INPP5K: variants seen among roughly 807,000 people sequenced by gnomAD.
INPP5K encodes inositol polyphosphate 5-phosphatase K.
Under a neutral mutation model 53.5 loss-of-function variants are expected in INPP5K, and 35 were observed. That is an observed-to-expected ratio of 0.65 (90% CI 0.50 to 0.87). The LOEUF (loss-of-function observed/expected upper bound fraction) is 0.87. Ranked by LOEUF, INPP5K falls within the 40% of genes least tolerant of loss-of-function variation. INPP5K has a pLI of 0.00. For missense variants in INPP5K, 550 were observed against 586.2 expected (o/e 0.94, Z 0.64); for synonymous variants, 253 against 232.8 (o/e 1.09, Z -0.79).
chr17:1,497,205 G>A (rs2074876877), intron 8 of INPP5K, among the ~76,000 whole-genome samples: 1 of 152,238 alleles, frequency 6.6e-6, no homozygotes, highest in Non-Finnish European at 1.5e-5. Flanking sequence ...ACCAGCGGGG[G>A]CCAGGCACGG....
intron 4 of INPP5K, 146 bp from the exon 5 acceptor site, chr17:1,509,499 A>G: frequency 1.1e-6 from 1 of 942,544 alleles, no homozygotes; most frequent in African/African-American, 1.6e-5. Flanking sequence ...TGATCTCTCC[A>G]TGCACAGAGC....
chr17:1,512,920 G>T (rs2062207710), intron 3 of INPP5K, among the ~76,000 whole-genome samples: 1 of 152,168 alleles, frequency 6.6e-6, no homozygotes, highest in South Asian at 2.1e-4. Flanking sequence ...TAAGAACTTG[G>T]GTTATGAAGT....
At chr17:1,514,359 G>T (rs2075383657) in intron 1 of INPP5K, among the ~76,000 whole-genome samples, 1 of 151,772 alleles carries the variant, frequency 6.6e-6, no homozygotes, top group South Asian at 2.1e-4. Context: ...CGGGGTCTAG[G>T]CCTGCTTATG....
In INPP5K at chr17:1,498,030, G is replaced by A. The variant is rs752588732; in HGVS notation, c.869C>T (p.Ala290Val). 1.3e-5 allele frequency: 21 copies of A among 1,613,978 alleles called. No individual in the cohort carries two copies. Among genetic ancestry groups the A allele is most frequent in the South Asian group, 2.2e-5 (2 of 91,084 alleles). The change falls in exon 8 of 12, where the codon GCG becomes GTG. Residue 290 changes from alanine to valine, a missense_variant. Coordinates refer to ENST00000421807, the MANE Select transcript of INPP5K (RefSeq NM_016532.4). ...CAGPDTPIPP[A>V]SHFSLSLRGY... The stretch of plus-strand genomic sequence containing the variant: ...CCTCAGAGACAAGGAGAAGTGTGAC[G>A]CCGGCGGTATGGGAGTGTCGGGGCC...
In INPP5K at chr17:1,509,365, G is replaced by C. The variant is rs766732944; in HGVS notation, c.379-12C>G. Reference sequence around the variant, plus strand: ...CCACCTTTGTTCCCCTGGTAGAACAGGTCAACAGAAGAGTGGGAAGCTACT... The same window carrying C: ...CCACCTTTGTTCCCCTGGTAGAACACGTCAACAGAAGAGTGGGAAGCTACT... On this transcript the variant is annotated splice_polypyrimidine_tract_variant and intron_variant, in intron 4 of 11. Coordinates refer to ENST00000421807, the MANE Select transcript of INPP5K (RefSeq NM_016532.4). The C allele has an allele frequency of 6.2e-7, 1 of 1,609,288 alleles. No homozygotes were observed. Among genetic ancestry groups the C allele is most frequent in the South Asian group, 1.1e-5 (1 of 90,572 alleles).
intron 2 of INPP5K, 79 bp from the exon 3 acceptor site, chr17:1,513,640 CG>C (rs2075361470): frequency 7.6e-7 from 1 of 1,309,082 alleles, no homozygotes; most frequent in African/African-American, 1.5e-5. Context: ...ACCATCTTCA[CG>C]GACTTTCAAG....
At chr17:1,499,776 C>T (rs79066524) in intron 7 of INPP5K, among the ~76,000 whole-genome samples, 3 of 152,264 alleles carry the variant, frequency 2.0e-5, no homozygotes, top group Admixed American at 6.5e-5. Context: ...AGGACAGCTG[C>T]GGTTTCTGGG....
At chr17:1,503,758 C>G (rs1243633886) in intron 7 of INPP5K, among the ~76,000 whole-genome samples, 18 of 152,080 alleles carry the variant, frequency 1.2e-4, no homozygotes, top group Admixed American at 1.2e-3. Context: ...ACAGTGGCAA[C>G]TATAACAAAA....
intron 7 of INPP5K, among the ~76,000 whole-genome samples, chr17:1,505,244 G>C (rs1215806017): frequency 6.6e-6 from 1 of 152,124 alleles, no homozygotes; most frequent in Non-Finnish European, 1.5e-5. Context: ...TCCTGCCTCA[G>C]CTTTCCTGAG....
At position 1,498,148 on chromosome 17, in the gene INPP5K, G is replaced by A. The variant is rs1277315517; in HGVS notation, c.777-26C>T. On this transcript the variant is annotated intron_variant, in intron 7 of 11. Transcript: ENST00000421807. ...CTGCAGGGGCAGGGGGCATAAAGAGGAAGAATGGGGAAAGAAGAAAGGGTT... is the reference window on the plus strand; with the variant it reads ...CTGCAGGGGCAGGGGGCATAAAGAGAAAGAATGGGGAAAGAAGAAAGGGTT... 2.6e-6 allele frequency: 4 copies of A among 1,559,574 alleles called. No individual in the cohort carries two copies. The South Asian group carries it at 4.6e-5, about 18-fold the overall frequency.
At chr17:1,510,435 G>T (rs1008322794) in intron 3 of INPP5K, 1 of 152,260 alleles carries the variant, frequency 6.6e-6, no homozygotes, top group East Asian at 1.9e-4. Context: ...TTGAACTCTC[G>T]ACCTCAGGTG....
Position 1,496,587 on chromosome 17 carries a change from T to C in INPP5K, c.1101+79A>G, listed in dbSNP as rs1192216941. On this transcript the variant is annotated intron_variant, in intron 9 of 11. Transcript: ENST00000421807. The stretch of plus-strand genomic sequence containing the variant: ...GGATGAGGGTGAGTTCGTCAGCATC[T>C]GCCCAGCTCCCAGGAGCCCTCGGGA... 8.3e-6 allele frequency: 13 copies of C among 1,572,378 alleles called. No individual in the cohort carries two copies. The East Asian group carries it at 2.9e-4, about 35-fold the overall frequency.
At chr17:1,500,518 C>T (rs1046282392) in intron 7 of INPP5K, among the ~76,000 whole-genome samples, 1 of 152,148 alleles carries the variant, frequency 6.6e-6, no homozygotes, top group African/African-American at 2.4e-5. Flanking sequence ...GCGCCTGCCA[C>T]CATGCCTGGC....
chr17:1,497,805 G>T, intron 8 of INPP5K, 131 bp downstream of exon 8: 1 of 789,022 alleles, frequency 1.3e-6, no homozygotes, highest in Non-Finnish European at 2.1e-6. Context: ...GACCTGGCAG[G>T]AAAGGCAATC....
At chr17:1,499,958 A>C (rs1372932970) in intron 7 of INPP5K, among the ~76,000 whole-genome samples, 1 of 152,184 alleles carries the variant, frequency 6.6e-6, no homozygotes, top group Non-Finnish European at 1.5e-5. Flanking sequence ...CTATTGATTG[A>C]TCAATCCATC....
rs901962927 is a variant in INPP5K at position 1,502,222 on chromosome 17, G to A, written c.777-4100C>T. Among the ~76,000 whole-genome samples, 61 of 152,140 alleles carry A rather than the reference G, an allele frequency of 4.0e-4. 2 individuals are homozygous for A. Among genetic ancestry groups the A allele is most frequent in the Non-Finnish European group, 2.4e-4 (16 of 67,996 alleles). On this transcript the variant is annotated intron_variant, in intron 7 of 11. Coordinates refer to ENST00000421807, the MANE Select transcript of INPP5K (RefSeq NM_016532.4). ...AAATTAGCCAGGCGTGGTGACGGGC[G>A]CCTGTAGTCCCAGCTACTCAGGAGG...
chr17:1,506,824 C>T (rs938196152), intron 7 of INPP5K, among the ~76,000 whole-genome samples, 156 bp downstream of exon 7: 4 of 152,082 alleles, frequency 2.6e-5, no homozygotes, highest in African/African-American at 4.8e-5. Context: ...CCCGAGTCAG[C>T]GCCTCATGAA....
chr17:1,506,920 G>T, intron 7 of INPP5K, 60 bp downstream of exon 7: 1 of 1,172,326 alleles, frequency 8.5e-7, no homozygotes, highest in Non-Finnish European at 1.3e-6. Context: ...CAGTTCCCAT[G>T]CCAGCAGGGT....
intron 1 of INPP5K, chr17:1,515,460 C>T: frequency 2.0e-6 from 2 of 985,566 alleles, no homozygotes; most frequent in Non-Finnish European, 2.4e-6. Flanking sequence ...GTCACAGCAG[C>T]TCTTCAAGAA....
Sources: allele counts gnomAD v4.1 joint callset (sites outside exome capture counted in the v4.1 genomes callset), GRCh38; gene constraint gnomAD v4.1.1; transcripts MANE v1.5; gene names NCBI Gene and HGNC (gene_info 2026-07-23, HGNC 2026-07-21).